Variants in HAPLN1 observed in about 807,000 individuals in gnomAD.
HAPLN1 encodes Cartilage link protein.
Under a neutral mutation model 36.5 loss-of-function variants are expected in HAPLN1, and 13 were observed. The observed-to-expected ratio is 0.36, with a 90% confidence interval of 0.23 to 0.57. The LOEUF is 0.57. Among genes scored for constraint, HAPLN1 ranks in the 20% least tolerant of loss-of-function variants. The probability of loss-of-function intolerance (pLI) is 0.83; values close to 1 mark genes in which losing one functional copy is unlikely to be tolerated. For synonymous variants in HAPLN1, 202 were observed against 169.8 expected (o/e 1.19, Z -1.48); for missense variants, 407 against 439.7 (o/e 0.93, Z 0.66).
At chr5:83,685,942 A>G (rs1157607924) in intron 1 of HAPLN1, 1 of 152,130 alleles carries the variant, frequency 6.6e-6, no homozygotes, top group Admixed American at 6.6e-5. Context: ...CCAAGAGCAT[A>G]TGACTATCTA....
chr5:83,665,678 G>A (rs895309987), intron 2 of HAPLN1, among the ~76,000 whole-genome samples: 2 of 152,096 alleles, frequency 1.3e-5, no homozygotes, highest in Admixed American at 1.3e-4. Flanking sequence ...GATGGATTAT[G>A]GCCTTTCTGG....
chr5:83,644,326 T>G (rs1289350540), intron 4 of HAPLN1, 37 bp downstream of exon 4: 9 of 1,423,166 alleles, frequency 6.3e-6, no homozygotes, highest in African/African-American at 1.5e-5. Context: ...GAATAGTCTG[T>G]GAGATAGGAA....
intron 2 of HAPLN1, among the ~76,000 whole-genome samples, chr5:83,664,066 T>C (rs1378507955): frequency 6.6e-6 from 1 of 152,188 alleles, no homozygotes; most frequent in East Asian, 1.9e-4. Context: ...TCTGGACCAC[T>C]TATAAAGTAC....
chr5:83,704,443 A>C (rs1310400793), intron 1 of HAPLN1, among the ~76,000 whole-genome samples: 1 of 152,216 alleles, frequency 6.6e-6, no homozygotes, highest in Non-Finnish European at 1.5e-5. Context: ...TTTCTCACTT[A>C]AAAGGCACAG....
intron 1 of HAPLN1, among the ~76,000 whole-genome samples, chr5:83,701,163 T>C (rs1751499407): frequency 6.6e-6 from 1 of 152,222 alleles, no homozygotes; most frequent in Non-Finnish European, 1.5e-5. Context: ...AATAGAACCA[T>C]CTGCAAAATT....
At chr5:83,680,388 C>T (rs1360155697) in intron 1 of HAPLN1, among the ~76,000 whole-genome samples, 2 of 152,108 alleles carry the variant, frequency 1.3e-5, no homozygotes, top group Non-Finnish European at 2.9e-5. Context: ...CATATATATA[C>T]TAATAAATGC....
At chr5:83,668,387 G>A (rs932713223) in intron 2 of HAPLN1, among the ~76,000 whole-genome samples, 50 of 152,234 alleles carry the variant, frequency 3.3e-4, no homozygotes, top group African/African-American at 1.2e-3. Flanking sequence ...CTAGATAAAC[G>A]GACTTTTATC....
At chr5:83,666,932 A>T (rs336954) in intron 2 of HAPLN1, among the ~76,000 whole-genome samples, 57,180 of 151,918 alleles carry the variant, frequency 0.38, 10,965 homozygotes, top group East Asian at 0.54. Context: ...CAAAGAAGAC[A>T]AGGACATGGG....
intron 1 of HAPLN1, among the ~76,000 whole-genome samples, chr5:83,708,091 C>A (rs62362950): frequency 1.3e-5 from 2 of 152,120 alleles, no homozygotes; most frequent in Admixed American, 6.5e-5. Context: ...TGGAGGAAAG[C>A]GAACACTTAT....
chr5:83,704,229 A>G (rs2112632224), intron 1 of HAPLN1, among the ~76,000 whole-genome samples: 1 of 152,258 alleles, frequency 6.6e-6, no homozygotes, highest in Admixed American at 6.5e-5. Context: ...TTACCACCAG[A>G]CCTGTCTTAC....
intron 2 of HAPLN1, among the ~76,000 whole-genome samples, chr5:83,669,750 C>T (rs1373206167): frequency 6.6e-6 from 1 of 152,130 alleles, no homozygotes; most frequent in Non-Finnish European, 1.5e-5. Context: ...ATAACAACCA[C>T]CTGGATAAGT....
intron 1 of HAPLN1, among the ~76,000 whole-genome samples, chr5:83,700,151 G>A (rs1363463677): frequency 2.1e-5 from 3 of 142,954 alleles, no homozygotes; most frequent in Non-Finnish European, 4.5e-5. Context: ...CTGAGATTGC[G>A]CCACTGCACT....
intron 1 of HAPLN1, among the ~76,000 whole-genome samples, chr5:83,692,129 A>G (rs573871736): frequency 2.0e-5 from 3 of 152,038 alleles, no homozygotes; most frequent in South Asian, 4.1e-4. Context: ...TAAAAAGGAA[A>G]AGAGCATCAC....
At chr5:83,681,966 G>A (rs1751014033) in intron 1 of HAPLN1, among the ~76,000 whole-genome samples, 1 of 152,118 alleles carries the variant, frequency 6.6e-6, no homozygotes, top group Non-Finnish European at 1.5e-5. Flanking sequence ...TGAAACAAGA[G>A]TTTTTAAAAT....
chr5:83,716,049 AAATG>A (rs1391255148), intron 1 of HAPLN1, among the ~76,000 whole-genome samples: 2 of 152,338 alleles, frequency 1.3e-5, no homozygotes, highest in Middle Eastern at 3.4e-3. Context: ...TTGAATAAAC[AAATG>A]AATAAATGAA....
chr5:83,708,024 C>T (rs1242559556), intron 1 of HAPLN1, among the ~76,000 whole-genome samples: 2 of 152,236 alleles, frequency 1.3e-5, no homozygotes, highest in African/African-American at 2.4e-5. Flanking sequence ...CACCATCTCA[C>T]ACAGTCAGAA....
rs375630185 is a variant in HAPLN1, at chr5:83,654,597, G to C, written c.101-1773C>G. On this transcript the variant is annotated intron_variant, in intron 2 of 4. Coordinates refer to ENST00000274341, the MANE Select transcript of HAPLN1 (RefSeq NM_001884.4). ...GAACATTTCCTCACCAGTATCTTGTGGGGGGCAAGGGTGGTGTGTGGGAAC... is the reference window on the plus strand; with the variant it reads ...GAACATTTCCTCACCAGTATCTTGTCGGGGGCAAGGGTGGTGTGTGGGAAC... 5.3e-5 allele frequency among the ~76,000 whole-genome samples: 8 copies of C among 152,298 alleles called. No homozygotes were observed. The East Asian group carries it at 1.4e-3, about 26-fold the overall frequency.
At chr5:83,691,737 G>A (rs1294090771) in intron 1 of HAPLN1, among the ~76,000 whole-genome samples, 1 of 151,708 alleles carries the variant, frequency 6.6e-6, no homozygotes, top group Non-Finnish European at 1.5e-5. Flanking sequence ...AAGAAGCAGG[G>A]CATACCAATA....
In HAPLN1 at chr5:83,639,306, A is replaced by G. The variant is rs777882542; in HGVS notation, c.*2190T>C. ...TGTTTTTTACACGAATGGAAAAATG[A>G]TGTGTAAGTGGTATAGATTTTAATC... is the stretch of plus-strand genomic sequence containing the variant. On this transcript the variant is annotated 3_prime_UTR_variant, in exon 5 of 5. Transcript: ENST00000274341. The G allele has an allele frequency of 6.6e-6, 1 of 152,016 alleles. No individual in the cohort carries two copies. Among genetic ancestry groups the G allele is most frequent in the Non-Finnish European group, 1.5e-5 (1 of 67,894 alleles). 9.4% of individuals were successfully genotyped at this position (152,016 alleles called of 1,614,324 possible).
Sources: gnomAD v4.1 joint callset for allele counts (sites outside exome capture counted in the v4.1 genomes callset) on GRCh38, gnomAD v4.1.1 for gene constraint, MANE v1.5 for transcripts, NCBI Gene and HGNC (gene_info 2026-07-23, HGNC 2026-07-21) for gene names.